Variants in R3HDM2 observed in about 807,000 individuals in gnomAD.
R3HDM2 encodes the protein R3H domain-containing protein 2.
In R3HDM2, 38 loss-of-function variants were observed where a neutral mutation model predicts 124.5. The ratio of observed to expected loss-of-function variants is 0.31; its 90% confidence interval spans 0.24 to 0.40. R3HDM2 has a LOEUF of 0.40. Among genes scored for constraint, R3HDM2 ranks in the 10% least tolerant of loss-of-function variants. The pLI is 1.00. For synonymous variants in R3HDM2, 391 were observed against 448.0 expected, an observed-to-expected ratio of 0.87 and a Z score of 1.61; for missense variants, 869 against 1,236.9, an observed-to-expected ratio of 0.70 and a Z score of 4.46.
chr12:57,299,133 T>C (rs2050543806), intron 6 of R3HDM2, among the ~76,000 whole-genome samples: 6 of 152,204 alleles, frequency 3.9e-5, no homozygotes, highest in Admixed American at 3.9e-4. Flanking sequence ...CTATGGATAA[T>C]GCCAATGCAG....
chr12:57,299,395 C>T lies in R3HDM2; in HGVS notation c.378G>A (p.Lys126=). ...STKDVSEKED[K]DKNKEKIPRK... is the part of the protein sequence containing the mutation. Reference sequence around the variant, plus strand: ...TTGGGATCTTTTCTTTGTTTTTGTCCTTGTCTTCCTTTTCAGAGACATCTT... The same window carrying T: ...TTGGGATCTTTTCTTTGTTTTTGTCTTTGTCTTCCTTTTCAGAGACATCTT... Residue 126 remains lysine, a synonymous_variant, in exon 6 of 24, where the codon AAG becomes AAA. Coordinates refer to ENST00000402412, the MANE Select transcript of R3HDM2 (RefSeq NM_001394031.1). 5.2e-6 allele frequency: 8 copies of T among 1,548,666 alleles called. No homozygotes were observed. Among genetic ancestry groups the T allele is most frequent in the Non-Finnish European group, 7.0e-6 (8 of 1,143,958 alleles).
chr12:57,380,605 A>G (rs1444110945), intron 2 of R3HDM2, among the ~76,000 whole-genome samples: 1 of 152,226 alleles, frequency 6.6e-6, no homozygotes. Context: ...AAACTTGTCT[A>G]CAACAAAAGA....
chr12:57,303,481 T>C (rs958716903), intron 3 of R3HDM2, among the ~76,000 whole-genome samples: 2 of 151,846 alleles, frequency 1.3e-5, no homozygotes, highest in Non-Finnish European at 1.5e-5. Context: ...TGGTGGCTCA[T>C]GCCTGTAATC....
At chr12:57,399,392 ACT>A (rs984359533) in intron 1 of R3HDM2, among the ~76,000 whole-genome samples, 11 of 152,050 alleles carry the variant, frequency 7.2e-5, no homozygotes, top group African/African-American at 2.4e-4. Flanking sequence ...ACAGAGTGAG[ACT>A]CTGTCTCAAA....
intron 22 of R3HDM2, 161 bp downstream of exon 22, chr12:57,256,253 G>A (rs2038963751): frequency 2.3e-6 from 2 of 854,768 alleles, no homozygotes; most frequent in Non-Finnish European, 3.7e-6. Context: ...CTTGGCATGG[G>A]GGTCGGGTGG....
intron 2 of R3HDM2, among the ~76,000 whole-genome samples, chr12:57,372,800 A>G (rs2063534111): frequency 6.6e-6 from 1 of 152,246 alleles, no homozygotes; most frequent in Admixed American, 6.5e-5. Context: ...TTCCACCTCT[A>G]ATAGATCCTA....
chr12:57,307,851 G>A (rs926395988), intron 3 of R3HDM2, among the ~76,000 whole-genome samples: 3 of 151,860 alleles, frequency 2.0e-5, no homozygotes, highest in African/African-American at 7.3e-5. Flanking sequence ...TGCATAGAGA[G>A]TAGAGTGCTT....
At chr12:57,274,354 G>A (rs2044226971) in intron 14 of R3HDM2, among the ~76,000 whole-genome samples, 1 of 152,120 alleles carries the variant, frequency 6.6e-6, no homozygotes, top group Non-Finnish European at 1.5e-5. Context: ...CATGCCTGTA[G>A]TCCCAGCTAC....
chr12:57,356,556 T>C (rs558900464), intron 2 of R3HDM2, among the ~76,000 whole-genome samples: 3 of 152,336 alleles, frequency 2.0e-5, no homozygotes, highest in Admixed American at 6.5e-5. Flanking sequence ...TTTTCTTATA[T>C]CTTTATCTGG....
intron 2 of R3HDM2, among the ~76,000 whole-genome samples, chr12:57,340,544 A>C (rs1413075833): frequency 6.6e-6 from 1 of 152,128 alleles, no homozygotes; most frequent in Admixed American, 6.6e-5. Context: ...TGTTGGTCTG[A>C]AACATTTATG....
At chr12:57,294,972 A>AAG (rs1453495794) in intron 10 of R3HDM2, among the ~76,000 whole-genome samples, 1 of 152,256 alleles carries the variant, frequency 6.6e-6, no homozygotes, top group African/African-American at 2.4e-5. Flanking sequence ...GTTCAAGGCT[A>AAG]GCCCTAAGCT....
At chr12:57,281,626 C>A (rs1051174955) in intron 13 of R3HDM2, among the ~76,000 whole-genome samples, 1 of 152,068 alleles carries the variant, frequency 6.6e-6, no homozygotes, top group Non-Finnish European at 1.5e-5. Context: ...GCTGGGATTA[C>A]AGGCACCCAC....
At chr12:57,371,184 G>A (rs1011284721) in intron 2 of R3HDM2, among the ~76,000 whole-genome samples, 1 of 134,844 alleles carries the variant, frequency 7.4e-6, no homozygotes, top group Non-Finnish European at 1.5e-5. Context: ...CCTCTTCAGT[G>A]CCTAAATGAT....
chr12:57,276,027 C>T (rs1004607793), intron 14 of R3HDM2, among the ~76,000 whole-genome samples: 1 of 151,972 alleles, frequency 6.6e-6, no homozygotes, highest in African/African-American at 2.4e-5. Flanking sequence ...ACCATCCTGG[C>T]TAACATGGTG....
chr12:57,386,136 G>A (rs935998803), intron 2 of R3HDM2, among the ~76,000 whole-genome samples: 1 of 143,112 alleles, frequency 7.0e-6, no homozygotes, highest in African/African-American at 2.5e-5. Context: ...GGTTTGAGAG[G>A]TGACAGCGTG....
At chr12:57,400,541 C>A (rs954306352) in intron 1 of R3HDM2, among the ~76,000 whole-genome samples, 3 of 151,958 alleles carry the variant, frequency 2.0e-5, no homozygotes, top group Non-Finnish European at 4.4e-5. Context: ...ATATAACAAA[C>A]CCGCACGTTG....
rs1362465214 is a variant in R3HDM2 at position 57,299,482 on chromosome 12, A to C, written c.295-4T>G. On this transcript the variant is annotated splice_region_variant and splice_polypyrimidine_tract_variant and intron_variant, in intron 5 of 23. Transcript: ENST00000402412. ...TGATGTGCAATTGAATTATATCCTTAAGGGGAAAAAGGATAATCAAAGGGG... is the reference window on the plus strand; with the variant it reads ...TGATGTGCAATTGAATTATATCCTTCAGGGGAAAAAGGATAATCAAAGGGG... The C allele has an allele frequency of 1.9e-5, 29 of 1,544,320 alleles. No homozygotes were observed. Among genetic ancestry groups the C allele is most frequent in the Non-Finnish European group, 2.5e-5 (28 of 1,141,062 alleles).
chr12:57,417,095 G>A (rs2069701317), intron 1 of R3HDM2, among the ~76,000 whole-genome samples: 1 of 152,002 alleles, frequency 6.6e-6, no homozygotes, highest in African/African-American at 2.4e-5. Flanking sequence ...TCCAGCCTGG[G>A]CGACAGAATG....
chr12:57,375,675 C>CTT (rs35984368), intron 2 of R3HDM2, among the ~76,000 whole-genome samples: 5 of 133,374 alleles, frequency 3.7e-5, no homozygotes, highest in Admixed American at 7.7e-5. Flanking sequence ...AGATCAGCTG[C>CTT]TTTTTTTTTT....
Sources: gnomAD v4.1 joint callset for allele counts (sites outside exome capture counted in the v4.1 genomes callset) on GRCh38, gnomAD v4.1.1 for gene constraint, MANE v1.5 for transcripts, NCBI Gene and HGNC (gene_info 2026-07-23, HGNC 2026-07-21) for gene names.